Variants in CD163L1 observed in about 807,000 individuals in gnomAD.
CD163L1 encodes the protein CD163 molecule like 1, also known as scavenger receptor cysteine-rich type 1 protein M160.
A neutral mutation model predicts 165.4 loss-of-function variants in CD163L1; 124 were observed. The observed-to-expected ratio is 0.75, with a 90% CI of 0.65 to 0.87. The LOEUF (loss-of-function observed/expected upper bound fraction) is 0.87, where lower values mean the gene tolerates loss of function less well. CD163L1 is among the 40% of genes least tolerant of loss of function. The pLI is 0.00. For synonymous variants in CD163L1, 585 were observed against 662.2 expected (o/e 0.88, Z 1.79); for missense variants, 1,525 against 1,799.9 (o/e 0.85, Z 2.76).
intron 8 of CD163L1, among the ~76,000 whole-genome samples, chr12:7,379,973 C>G (rs1310569029): frequency 6.7e-6 from 1 of 149,720 alleles, no homozygotes; most frequent in Non-Finnish European, 1.5e-5. Flanking sequence ...TGGCCATAAC[C>G]AAAAAATCAA....
Position 7,375,901 on chromosome 12 carries a change from C to G in CD163L1, c.2485G>C (p.Ala829Pro). 3 of 1,614,212 alleles carry G rather than the reference C, an allele frequency of 1.9e-6. No homozygotes were observed. Among genetic ancestry groups the G allele is most frequent in the Non-Finnish European group, 2.5e-6 (3 of 1,180,028 alleles). ...TTTAATTCTCTGCACAGCACATTGG[C>G]AGCATGAAGAGAGAAATCAGAATCA... is the stretch of plus-strand genomic sequence containing the variant. ...VCDSDFSLHA[A>P]NVLCRELNCG... The change falls in exon 10 of 20, where the codon GCC (alanine) becomes CCC (proline). Residue 829 changes from alanine to proline, a missense_variant. By Grantham distance (27) the Ala-to-Pro change is conservative (BLOSUM62 -1). Transcript: ENST00000313599.
chr12:7,367,858 C>T (rs184470675), intron 17 of CD163L1, among the ~76,000 whole-genome samples: 27 of 152,326 alleles, frequency 1.8e-4, no homozygotes, highest in African/African-American at 6.5e-4. Context: ...TCTGACTCAT[C>T]GTCTGTATGG....
At chr12:7,440,421 C>T (rs1179177326) in intron 2 of CD163L1, among the ~76,000 whole-genome samples, 2 of 151,402 alleles carry the variant, frequency 1.3e-5, no homozygotes, top group Non-Finnish European at 2.9e-5. Context: ...CGGCCAGCTC[C>T]CGCGCCCAGC....
At position 7,373,627 on chromosome 12, in the gene CD163L1, C is replaced by T. The variant is rs199702335; in HGVS notation, c.3423G>A (p.Leu1141=). The T allele has an allele frequency of 2.5e-6, 4 of 1,593,752 alleles. No individual in the cohort carries two copies. The highest frequency in any genetic ancestry group is 2.6e-6 in the Non-Finnish European group (3 of 1,167,504). ...AGVICSEFTA[L]RLYSETETES... ...CTGTTTCAGTTTCACTGTAGAGCCT[C>T]AAGGCTGTGAATTCTACAGAGAAAT... Residue 1141 remains leucine (L), a synonymous_variant, in exon 14 of 20, where the codon TTG becomes TTA. Transcript: ENST00000313599.
At chr12:7,329,592 A>T in the CD163L1 span, among the ~76,000 whole-genome samples, 1 of 151,978 alleles carries the variant, frequency 6.6e-6, no homozygotes, top group African/African-American at 2.4e-5. Context: ...AAACCACAAG[A>T]CTGCAGTTGT....
At chr12:7,370,597 C>G (rs1007705914) in intron 14 of CD163L1, among the ~76,000 whole-genome samples, 17 of 152,020 alleles carry the variant, frequency 1.1e-4, no homozygotes, top group African/African-American at 3.6e-4. Context: ...AACGTCTCAT[C>G]CCCCGGTCTG....
chr12:7,325,114 T>C, the CD163L1 span, among the ~76,000 whole-genome samples: 1 of 152,224 alleles, frequency 6.6e-6, no homozygotes, highest in Non-Finnish European at 1.5e-5. Flanking sequence ...AGATCACATC[T>C]CTAACCAATG....
At chr12:7,440,076 A>G (rs1948800862) in intron 2 of CD163L1, 13 of 1,018,870 alleles carry the variant, frequency 1.3e-5, no homozygotes, top group Admixed American at 6.1e-5. Flanking sequence ...CCTACTCCAC[A>G]TCAGCGGCGT....
chr12:7,356,545 A>G (rs1295733477), intron 19 of CD163L1, among the ~76,000 whole-genome samples: 1 of 152,150 alleles, frequency 6.6e-6, no homozygotes, highest in Non-Finnish European at 1.5e-5. Context: ...ATTTATTCCC[A>G]TAAAAAATTT....
chr12:7,423,947 G>GA (rs1163617618), intron 4 of CD163L1, among the ~76,000 whole-genome samples: 1 of 151,180 alleles, frequency 6.6e-6, no homozygotes, highest in African/African-American at 2.4e-5. Flanking sequence ...ACAAACAATA[G>GA]AAAAAAAGGG....
chr12:7,342,681 A>G (rs1946645273), downstream of CD163L1, among the ~76,000 whole-genome samples: 1 of 152,188 alleles, frequency 6.6e-6, no homozygotes, highest in African/African-American at 2.4e-5. Flanking sequence ...CCAAGGAAAC[A>G]GTGGTGCAGT....
At chr12:7,401,663 A>G (rs192714971) in intron 6 of CD163L1, among the ~76,000 whole-genome samples, 1 of 152,290 alleles carries the variant, frequency 6.6e-6, no homozygotes, top group Non-Finnish European at 1.5e-5. Flanking sequence ...TAACATTAAG[A>G]TAGATTAGTA....
At chr12:7,420,511 G>C (rs1565808182) in intron 4 of CD163L1, among the ~76,000 whole-genome samples, 2 of 150,558 alleles carry the variant, frequency 1.3e-5, no homozygotes, top group Non-Finnish European at 3.0e-5. Context: ...AAATTAGCAA[G>C]AAAAAAAACA....
At chr12:7,408,072 A>G (rs1948065297) in intron 4 of CD163L1, among the ~76,000 whole-genome samples, 1 of 130,788 alleles carries the variant, frequency 7.6e-6, no homozygotes, top group Non-Finnish European at 1.5e-5. Context: ...AAAACTGAAC[A>G]CTACATATAT....
In CD163L1 at chr12:7,373,531, G is replaced by A; in HGVS notation, c.3519C>T (p.Thr1173=). The A allele has an allele frequency of 6.2e-7, 1 of 1,614,218 alleles. No homozygotes were observed. The highest frequency in any genetic ancestry group is 1.3e-5 in the African/African-American group (1 of 75,060). Residue 1173 remains threonine (T), a synonymous_variant, in exon 14 of 20, where the codon ACC becomes ACT. Transcript: ENST00000313599. ...TGCACACAATGCCTGCTATGGCTGT[G>A]GTGATGTTCCTCCTGCCGACGCTGC... ...TWGSVGRRNI[T]TAIAGIVCRQ...
chr12:7,335,895 A>C, the CD163L1 span, among the ~76,000 whole-genome samples: 5 of 151,356 alleles, frequency 3.3e-5, no homozygotes, highest in African/African-American at 1.2e-4. Context: ...CAGCCAAAAA[A>C]CACATGAAAA....
At chr12:7,429,964 C>A (rs1447044747) in intron 4 of CD163L1, among the ~76,000 whole-genome samples, 2 of 152,194 alleles carry the variant, frequency 1.3e-5, no homozygotes, top group East Asian at 3.8e-4. Flanking sequence ...TATCACTCAA[C>A]CTTCCTCATT....
At chr12:7,411,286 A>C (rs1366293639) in intron 4 of CD163L1, among the ~76,000 whole-genome samples, 1 of 152,238 alleles carries the variant, frequency 6.6e-6, no homozygotes, top group East Asian at 1.9e-4. Flanking sequence ...CCATTTGTTC[A>C]AAGTCTTACT....
chr12:7,322,674 G>A, the CD163L1 span: 2 of 1,161,894 alleles, frequency 1.7e-6, no homozygotes, highest in Non-Finnish European at 1.2e-6. Flanking sequence ...CACCTTGCCA[G>A]TAGTTACCAA....
Sources: allele counts gnomAD v4.1 joint callset (sites outside exome capture counted in the v4.1 genomes callset), GRCh38; gene constraint gnomAD v4.1.1; transcripts MANE v1.5; gene names NCBI Gene and HGNC (gene_info 2026-07-23, HGNC 2026-07-21).